Variants in MYO5A observed in about 807,000 individuals in gnomAD.
MYO5A encodes the protein myosin VA.
Under a neutral mutation model 249.7 loss-of-function variants are expected in MYO5A, and 98 were observed. The observed-to-expected ratio is 0.39, with a 90% CI of 0.33 to 0.46. The LOEUF (loss-of-function observed/expected upper bound fraction) is 0.46, where lower values mean the gene tolerates loss of function less well. Ranked by LOEUF, MYO5A falls within the 20% of genes least tolerant of loss-of-function variation. The pLI is 0.98. For synonymous variants in MYO5A, 778 were observed against 810.6 expected, an observed-to-expected ratio of 0.96 and a Z score of 0.68; for missense variants, 1,696 against 2,308.8, an observed-to-expected ratio of 0.73 and a Z score of 5.44.
chr15:52,351,525 CT>C, intron 27 of MYO5A, 44 bp from the exon 28 acceptor site: 1 of 1,561,438 alleles, frequency 6.4e-7, no homozygotes, highest in Admixed American at 1.7e-5. Flanking sequence ...TCATCCTCAA[CT>C]TTACGTTGGA....
At position 52,346,434 on chromosome 15, in the gene MYO5A, A is replaced by C; in HGVS notation, c.3886T>G (p.Leu1296Val). ...KNTMTDSTIL[L>V]EDVQKMKDKG... The stretch of plus-strand genomic sequence containing the variant: ...TCTTTCATTTTTTGTACATCTTCCA[A>C]AAGTATTGTGGAATCTGTCATTGTA... Residue 1296 changes from leucine (L) to valine (V), a missense_variant, in exon 30 of 42, where the codon TTG becomes GTG. Physicochemically the swap from Leu to Val is conservative, Grantham distance 32. Transcript: ENST00000399233. The C allele has an allele frequency of 6.2e-7, 1 of 1,602,792 alleles. No homozygotes were observed. The highest frequency in any genetic ancestry group is 8.5e-7 in the Non-Finnish European group (1 of 1,170,114).
Position 52,307,591 on chromosome 15 carries a change from CT to C in MYO5A, c.*6104del, listed in dbSNP as rs1883351469. The stretch of plus-strand genomic sequence containing the variant: ...TTTCATGTCTCAGTATTTCTGCTTC[CT>C]TTTTAATGGGTAAATGTTTCACCTA... On this transcript the variant is annotated 3_prime_UTR_variant, in exon 42 of 42. Transcript: ENST00000399233. 6.6e-6 allele frequency: 1 copy of C among 152,016 alleles called. No individual in the cohort carries two copies. Among genetic ancestry groups the C allele is most frequent in the African/African-American group, 2.4e-5 (1 of 41,382 alleles). 9.4% of individuals were successfully genotyped at this position (152,016 alleles called of 1,614,324 possible).
intron 1 of MYO5A, among the ~76,000 whole-genome samples, chr15:52,456,745 G>A (rs1567143217): frequency 6.6e-6 from 1 of 152,180 alleles, no homozygotes; most frequent in Non-Finnish European, 1.5e-5. Flanking sequence ...AATAGATGGT[G>A]CTGGGAAAAC....
intron 1 of MYO5A, among the ~76,000 whole-genome samples, chr15:52,483,470 T>C (rs1457071051): frequency 1.3e-5 from 2 of 151,570 alleles, no homozygotes; most frequent in Non-Finnish European, 2.9e-5. Context: ...ATTTCAGGAG[T>C]AGGGAAGAGA....
chr15:52,403,059 A>G (rs1454149007), intron 9 of MYO5A, among the ~76,000 whole-genome samples: 1 of 152,210 alleles, frequency 6.6e-6, no homozygotes, highest in African/African-American at 2.4e-5. Flanking sequence ...CCAAGATGAT[A>G]TTAATAACTT....
chr15:52,501,282 T>G (rs2141583008), intron 1 of MYO5A, among the ~76,000 whole-genome samples: 1 of 152,290 alleles, frequency 6.6e-6, no homozygotes, highest in South Asian at 2.1e-4. Flanking sequence ...GAAAACGTTT[T>G]TTTTTTACTC....
intron 5 of MYO5A, among the ~76,000 whole-genome samples, chr15:52,411,683 A>G (rs2043257559): frequency 6.6e-6 from 1 of 152,248 alleles, no homozygotes; most frequent in African/African-American, 2.4e-5. Context: ...CAGCAGACAG[A>G]AAGATGTGAA....
chr15:52,416,518 C>T (rs988035439), intron 4 of MYO5A, among the ~76,000 whole-genome samples: 7 of 151,370 alleles, frequency 4.6e-5, no homozygotes, highest in African/African-American at 1.2e-4. Flanking sequence ...TCAGAGAGAC[C>T]GATGGGGTTG....
chr15:52,359,956 T>A lies in MYO5A; in HGVS notation c.3423+12A>T, dbSNP rs375259861. The A allele has an allele frequency of 1.9e-4, 305 of 1,571,564 alleles. No homozygotes were observed. The highest frequency in any genetic ancestry group is 2.4e-4 in the Non-Finnish European group (274 of 1,143,272). On this transcript the variant is annotated intron_variant, in intron 25 of 41. Transcript: ENST00000399233. ...CATATCCTACTTTCAGTGACAGATG[T>A]CTAAACTGTACCTCTGTCCTTGATG...
At chr15:52,497,424 G>GATAA (rs71130165) in intron 1 of MYO5A, among the ~76,000 whole-genome samples, 123,765 of 147,346 alleles carry the variant, frequency 0.84, 54,605 homozygotes, top group East Asian at 0.96. Flanking sequence ...TAAATAAATA[G>GATAA]ATAAATAAAT....
chr15:52,504,888 C>CA (rs200081974), intron 1 of MYO5A, among the ~76,000 whole-genome samples: 175 of 128,846 alleles, frequency 1.4e-3, no homozygotes, highest in Middle Eastern at 3.8e-3. Flanking sequence ...GACTCCATCT[C>CA]AAAAAAAAAA....
At chr15:52,347,183 G>A (rs1171679878) in intron 29 of MYO5A, among the ~76,000 whole-genome samples, 1 of 152,000 alleles carries the variant, frequency 6.6e-6, no homozygotes, top group Admixed American at 6.6e-5. Context: ...GACAAGCAAT[G>A]TAATTTCAAA....
intron 11 of MYO5A, 42 bp from the exon 12 acceptor site, chr15:52,392,112 G>A (rs2042264367): frequency 1.3e-6 from 2 of 1,576,830 alleles, no homozygotes; most frequent in Non-Finnish European, 8.6e-7. Flanking sequence ...CTGGATCATT[G>A]TAACAAAGAA....
chr15:52,382,364 G>A (rs1007712100), intron 16 of MYO5A, among the ~76,000 whole-genome samples: 5 of 152,122 alleles, frequency 3.3e-5, no homozygotes, highest in African/African-American at 1.2e-4. Context: ...ACGAAGTCAG[G>A]AGTTCAAGAC....
At chr15:52,463,755 G>A (rs995828375) in intron 1 of MYO5A, among the ~76,000 whole-genome samples, 2 of 152,178 alleles carry the variant, frequency 1.3e-5, no homozygotes, top group African/African-American at 4.8e-5. Flanking sequence ...TATTTTTGTA[G>A]TGAATAAGTC....
At chr15:52,495,215 A>G (rs1397597958) in intron 1 of MYO5A, among the ~76,000 whole-genome samples, 3 of 152,232 alleles carry the variant, frequency 2.0e-5, no homozygotes, top group Admixed American at 6.5e-5. Context: ...GAATACTACT[A>G]ATCAGCCTTA....
intron 25 of MYO5A, among the ~76,000 whole-genome samples, chr15:52,355,685 C>T (rs2040183770): frequency 6.6e-6 from 1 of 151,976 alleles, no homozygotes; most frequent in Non-Finnish European, 1.5e-5. Flanking sequence ...TTAAATAATG[C>T]TATATTTACA....
At chr15:52,344,814 A>G (rs1172586340) in intron 30 of MYO5A, among the ~76,000 whole-genome samples, 3 of 152,312 alleles carry the variant, frequency 2.0e-5, no homozygotes, top group African/African-American at 7.2e-5. Context: ...TAGGAACCGC[A>G]TTTATCTTGC....
At chr15:52,329,618 C>T (rs1290235221) in intron 35 of MYO5A, among the ~76,000 whole-genome samples, 6 of 152,176 alleles carry the variant, frequency 3.9e-5, no homozygotes, top group Non-Finnish European at 7.3e-5. Context: ...TATTACACTG[C>T]CGTCCTTGAC....
Sources: allele counts gnomAD v4.1 joint callset (sites outside exome capture counted in the v4.1 genomes callset), GRCh38; gene constraint gnomAD v4.1.1; transcripts MANE v1.5; gene names NCBI Gene and HGNC (gene_info 2026-07-23, HGNC 2026-07-21).